MTRES1: variants seen among roughly 807,000 people sequenced by gnomAD.
MTRES1 encodes mitochondrial transcription rescue factor 1.
In MTRES1, 11 loss-of-function variants were observed where a neutral mutation model predicts 17.4. The ratio of observed to expected loss-of-function variants is 0.63; its 90% CI spans 0.40 to 1.05. MTRES1 has a LOEUF of 1.05. MTRES1 is among the 50% of genes least tolerant of loss of function. MTRES1 has a pLI of 0.00. For missense variants in MTRES1, 268 were observed against 276.2 expected (o/e 0.97, Z 0.21); for synonymous variants, 94 against 99.6 (o/e 0.94, Z 0.34).
chr6:107,039,683 G>A, intron 1 of MTRES1, 66 bp from the exon 2 acceptor site: 1 of 1,491,488 alleles, frequency 6.7e-7, no homozygotes, highest in Non-Finnish European at 9.0e-7. Flanking sequence ...AGTGCATATG[G>A]TTTATGTTGT....
At chr6:107,048,644 G>A (rs954816490) in intron 3 of MTRES1, among the ~76,000 whole-genome samples, 1 of 151,542 alleles carries the variant, frequency 6.6e-6, no homozygotes, top group Admixed American at 6.6e-5. Flanking sequence ...GCTGGGTGTG[G>A]TGGCACATCC....
Position 107,049,561 on chromosome 6 carries a change from C to G in MTRES1, c.544-1496C>G, listed in dbSNP as rs1562287245. Among the ~76,000 whole-genome samples the G allele has an allele frequency of 4.6e-5, 7 of 151,630 alleles. No homozygotes were observed. The South Asian group carries it at 1.5e-3, about 32-fold the overall frequency. On this transcript the variant is annotated intron_variant, in intron 3 of 3. Transcript: ENST00000311381. The stretch of plus-strand genomic sequence containing the variant: ...CCCGAGTAGCTAGAACTACAGGCGC[C>G]CGCCACCACACCCAGCTAATTTTTT...
chr6:107,041,807 G>T lies in MTRES1; in HGVS notation c.470+1577G>T, dbSNP rs374066923. Among the ~76,000 whole-genome samples, 34 of 152,130 alleles carry T rather than the reference G, an allele frequency of 2.2e-4. No individual in the cohort carries two copies. The East Asian group carries it at 3.9e-3, about 18-fold the overall frequency. Reference sequence around the variant, plus strand: ...CTCCCAAAGTGCTGGGATTACAGGCGTGAGCCACCGCGCCTGGCGAAGATT... The same window carrying T: ...CTCCCAAAGTGCTGGGATTACAGGCTTGAGCCACCGCGCCTGGCGAAGATT... On this transcript the variant is annotated intron_variant, in intron 2 of 3. Coordinates refer to ENST00000311381, the MANE Select transcript of MTRES1 (RefSeq NM_016487.5).
chr6:107,032,421 A>C (rs1297615863), intron 1 of MTRES1, among the ~76,000 whole-genome samples: 1 of 152,182 alleles, frequency 6.6e-6, no homozygotes, highest in African/African-American at 2.4e-5. Context: ...GCTCAGAGCA[A>C]GAATGCCTGA....
intron 3 of MTRES1, among the ~76,000 whole-genome samples, chr6:107,049,838 C>T (rs868950371): frequency 7.3e-5 from 11 of 151,720 alleles, no homozygotes; most frequent in Admixed American, 2.0e-4. Flanking sequence ...TCTCCTGCCT[C>T]AGCCTCTCAA....
At chr6:107,047,034 C>T (rs1213569692) in intron 3 of MTRES1, among the ~76,000 whole-genome samples, 2 of 151,006 alleles carry the variant, frequency 1.3e-5, no homozygotes, top group Non-Finnish European at 2.9e-5. Context: ...GATCTCCTGA[C>T]CTTGTGATCC....
At chr6:107,041,682 C>T (rs1455376803) in intron 2 of MTRES1, among the ~76,000 whole-genome samples, 8 of 151,992 alleles carry the variant, frequency 5.3e-5, no homozygotes, top group South Asian at 2.1e-4. Flanking sequence ...CCCACCACCA[C>T]GCCTGGCTAA....
At chr6:107,029,065 G>T (rs910522830) in intron 1 of MTRES1, 3 of 177,864 alleles carry the variant, frequency 1.7e-5, no homozygotes, top group African/African-American at 4.8e-5. Context: ...TTGCTCTGTC[G>T]CCCAGGCTGG....
In MTRES1 at chr6:107,039,890, T is replaced by C; in HGVS notation, c.130T>C (p.Tyr44His). Reference sequence around the variant, plus strand: ...CTGTACTTCCTGGAATCGATACTTGTATTTTTCTAGTACCAAGTTACGTGC... The same window carrying C: ...CTGTACTTCCTGGAATCGATACTTGCATTTTTCTAGTACCAAGTTACGTGC... ...KLCTSWNRYL[Y>H]FSSTKLRAPN... Residue 44 changes from tyrosine (Y) to histidine (H), a missense_variant, in exon 2 of 4, where the codon TAT becomes CAT. Tyr to His is a moderately conservative substitution (Grantham distance 83). Transcript: ENST00000311381. The C allele has an allele frequency of 1.9e-6, 3 of 1,614,182 alleles. No individual in the cohort carries two copies. The highest frequency in any genetic ancestry group is 2.5e-6 in the Non-Finnish European group (3 of 1,180,020).
chr6:107,038,150 G>A (rs528188116), intron 1 of MTRES1, among the ~76,000 whole-genome samples: 4 of 152,214 alleles, frequency 2.6e-5, no homozygotes, highest in South Asian at 4.2e-4. Flanking sequence ...AGACTGGGTC[G>A]TATGCTCATC....
intron 1 of MTRES1, among the ~76,000 whole-genome samples, chr6:107,035,229 G>A (rs1214930549): frequency 1.3e-5 from 2 of 151,614 alleles, no homozygotes; most frequent in Non-Finnish European, 2.9e-5. Flanking sequence ...CGCCTCCCAG[G>A]TTCAAGCAAT....
chr6:107,037,333 G>A lies in MTRES1; in HGVS notation c.-12-2416G>A, dbSNP rs553457947. 2.6e-5 allele frequency among the ~76,000 whole-genome samples: 4 copies of A among 152,190 alleles called. No individual in the cohort carries two copies. The South Asian group carries it at 8.3e-4, about 32-fold the overall frequency. Reference sequence around the variant, plus strand: ...GATCTGCCCGCCTCAGCCTCCCAAAGTGTTGGGATTACCGGCATGAGCCAC... The same window carrying A: ...GATCTGCCCGCCTCAGCCTCCCAAAATGTTGGGATTACCGGCATGAGCCAC... On this transcript the variant is annotated intron_variant, in intron 1 of 3. Transcript: ENST00000311381.
intron 3 of MTRES1, among the ~76,000 whole-genome samples, chr6:107,050,759 T>C (rs1554229100): frequency 6.6e-6 from 1 of 151,976 alleles, no homozygotes; most frequent in African/African-American, 2.4e-5. Context: ...TTATTTTTAG[T>C]AGAGACGGGA....
intron 1 of MTRES1, among the ~76,000 whole-genome samples, chr6:107,039,379 G>A (rs1176719741): frequency 1.3e-5 from 2 of 152,062 alleles, no homozygotes; most frequent in Non-Finnish European, 2.9e-5. Context: ...GAGTGCAGTG[G>A]CGTGATCTCA....
rs117058816 is a variant in MTRES1, at chr6:107,030,108, G to A, written c.-13+1837G>A. On this transcript the variant is annotated intron_variant, in intron 1 of 3. Transcript: ENST00000311381. ...TGCCCAGATTAGTGCTTGGCACATG[G>A]TAAGTGCTTAATTAAGGGGAGGATG... The A allele has an allele frequency of 4.1e-3, 2,970 of 718,476 alleles. 10 individuals are homozygous for A. The highest frequency in any genetic ancestry group is 5.6e-3 in the Non-Finnish European group (2,149 of 385,080). 44.5% of individuals were successfully genotyped at this position (718,476 alleles called of 1,614,324 possible). A position where few individuals can be genotyped will look rare whatever the true frequency, so the allele number is the denominator to read the frequency against.
At chr6:107,035,737 C>G (rs1773985851) in intron 1 of MTRES1, among the ~76,000 whole-genome samples, 1 of 152,116 alleles carries the variant, frequency 6.6e-6, no homozygotes, top group Non-Finnish European at 1.5e-5. Flanking sequence ...CAACCTCAAC[C>G]TCCTGGGTTC....
At chr6:107,036,328 G>A (rs1010041738) in intron 1 of MTRES1, among the ~76,000 whole-genome samples, 3 of 152,040 alleles carry the variant, frequency 2.0e-5, no homozygotes, top group African/African-American at 7.2e-5. Context: ...CAGATCACCT[G>A]AGGTCAGGAG....
At chr6:107,030,475 A>T (rs1171323171) in intron 1 of MTRES1, among the ~76,000 whole-genome samples, 2 of 152,200 alleles carry the variant, frequency 1.3e-5, no homozygotes, top group African/African-American at 4.8e-5. Context: ...AAGGGAAAAG[A>T]TGCATGGGAC....
rs1486686097 is a variant in MTRES1 at position 107,028,268 on chromosome 6, A to C, written c.-16A>C. The C allele has an allele frequency of 6.6e-6, 1 of 151,980 alleles. No homozygotes were observed. Among genetic ancestry groups the C allele is most frequent in the Non-Finnish European group, 1.5e-5 (1 of 68,038 alleles). 9.4% of individuals were successfully genotyped at this position (151,980 alleles called of 1,614,324 possible). ...GGGGAGGGACGAGAGGGCCTGACGT[A>C]CAGGTGAGTGCGCCTCTGCTGGCGC... On this transcript the variant is annotated 5_prime_UTR_variant, in exon 1 of 4. Coordinates refer to ENST00000311381, the MANE Select transcript of MTRES1 (RefSeq NM_016487.5).
Sources: allele counts gnomAD v4.1 joint callset (sites outside exome capture counted in the v4.1 genomes callset), GRCh38; gene constraint gnomAD v4.1.1; transcripts MANE v1.5; gene names NCBI Gene and HGNC (gene_info 2026-07-23, HGNC 2026-07-21).